Variants in RANBP2 observed in about 807,000 individuals in gnomAD.
RANBP2 encodes the protein RAN binding protein 2.
In RANBP2, 57 loss-of-function variants were observed where a neutral mutation model predicts 303.6. The ratio of observed to expected loss-of-function variants is 0.19; its 90% CI spans 0.15 to 0.23. The LOEUF is 0.23. Among genes scored for constraint, RANBP2 ranks in the 10% least tolerant of loss-of-function variants. The probability of loss-of-function intolerance (pLI) is 1.00; values close to 1 mark genes in which losing one functional copy is unlikely to be tolerated. For synonymous variants in RANBP2, 1,167 were observed against 1,301.5 expected, an observed-to-expected ratio of 0.90 and a Z score of 2.23; for missense variants, 3,138 against 3,780.8, an observed-to-expected ratio of 0.83 and a Z score of 4.46.
At chr2:109,288,815 C>CTTTTTTTTTTTTTTTT in the RANBP2 span, among the ~76,000 whole-genome samples, 3 of 152,136 alleles carry the variant, frequency 2.0e-5, no homozygotes, top group African/African-American at 7.2e-5. Flanking sequence ...AAATCACTTT[C>CTTTTTTTTTTTTTTTT]TTATTTAGTA....
the RANBP2 span, among the ~76,000 whole-genome samples, chr2:109,491,733 A>G: frequency 0.86 from 130,926 of 152,152 alleles, 56,508 homozygotes; most frequent in South Asian, 0.96. Context: ...AGGATGGTAG[A>G]AAGATATGAT....
the RANBP2 span, chr2:109,585,294 A>C: frequency 6.2e-7 from 1 of 1,605,282 alleles, no homozygotes. Context: ...TGTGTCAATC[A>C]GTGTTGATTT....
chr2:109,150,938 A>G, the RANBP2 span, among the ~76,000 whole-genome samples: 4 of 152,234 alleles, frequency 2.6e-5, no homozygotes, highest in Non-Finnish European at 4.4e-5. Context: ...TAAAGAAGCT[A>G]GTTATTTCAA....
chr2:108,854,555 T>C, the RANBP2 span, among the ~76,000 whole-genome samples: 1 of 152,214 alleles, frequency 6.6e-6, no homozygotes, highest in South Asian at 2.1e-4. Flanking sequence ...GAGATCAGAA[T>C]TGAGGTCTGT....
At chr2:109,501,388 A>G in the RANBP2 span, 1 of 560,034 alleles carries the variant, frequency 1.8e-6, no homozygotes. Context: ...GAAATTGTAT[A>G]AAGTGGGAAA....
At chr2:109,295,796 C>T in the RANBP2 span, among the ~76,000 whole-genome samples, 7 of 152,200 alleles carry the variant, frequency 4.6e-5, no homozygotes, top group African/African-American at 1.4e-4. Flanking sequence ...GGACTCTGGC[C>T]GGCTTTACGG....
At chr2:108,912,873 G>A in the RANBP2 span, 1 of 890,710 alleles carries the variant, frequency 1.1e-6, no homozygotes, top group Admixed American at 2.0e-5. Context: ...GCCTGAGGCA[G>A]TGATGGCTGA....
At chr2:108,850,602 C>A in the RANBP2 span, among the ~76,000 whole-genome samples, 1 of 152,108 alleles carries the variant, frequency 6.6e-6, no homozygotes, top group Non-Finnish European at 1.5e-5. Context: ...CAGGCACGCA[C>A]CACCACACCC....
chr2:109,132,963 T>A, the RANBP2 span, among the ~76,000 whole-genome samples: 9 of 152,218 alleles, frequency 5.9e-5, no homozygotes, highest in African/African-American at 2.2e-4. Flanking sequence ...GTTTTGAAAA[T>A]TTTTTAAATC....
At chr2:109,707,847 T>C in the RANBP2 span, among the ~76,000 whole-genome samples, 32 of 152,156 alleles carry the variant, frequency 2.1e-4, no homozygotes, top group African/African-American at 7.7e-4. Flanking sequence ...TAGATGTAAA[T>C]AAAAAAATGC....
the RANBP2 span, among the ~76,000 whole-genome samples, chr2:109,564,864 CA>C: frequency 6.6e-6 from 1 of 152,190 alleles, no homozygotes. Context: ...TAGCAGTTTA[CA>C]AACTATCCTG....
the RANBP2 span, among the ~76,000 whole-genome samples, chr2:109,558,818 T>G: frequency 1.3e-5 from 2 of 152,184 alleles, no homozygotes; most frequent in Middle Eastern, 3.2e-3. Context: ...GAGGGACAGA[T>G]TTTACATGCC....
the RANBP2 span, among the ~76,000 whole-genome samples, chr2:109,299,453 C>A: frequency 6.6e-6 from 1 of 151,822 alleles, no homozygotes; most frequent in Non-Finnish European, 1.5e-5. Context: ...GATCTTAAGT[C>A]TGCCAGCCAC....
the RANBP2 span, among the ~76,000 whole-genome samples, chr2:109,519,763 G>T: frequency 6.6e-6 from 1 of 152,254 alleles, no homozygotes. Context: ...TCAAGGGCAT[G>T]TGAGGGCGTT....
the RANBP2 span, among the ~76,000 whole-genome samples, chr2:109,439,801 A>G: frequency 6.6e-6 from 1 of 152,088 alleles, no homozygotes; most frequent in Non-Finnish European, 1.5e-5. Flanking sequence ...GAGGAAAACC[A>G]GACAAGCCCC....
the RANBP2 span, among the ~76,000 whole-genome samples, chr2:108,994,312 A>G: frequency 6.6e-6 from 1 of 152,192 alleles, no homozygotes; most frequent in Non-Finnish European, 1.5e-5. Flanking sequence ...CCGTGGCCTA[A>G]GCTCTCTCTG....
At chr2:109,127,207 A>G in the RANBP2 span, 2 of 152,250 alleles carry the variant, frequency 1.3e-5, no homozygotes, top group Non-Finnish European at 2.9e-5. Flanking sequence ...TCCAGGGACT[A>G]GCATCCTGAT....
At chr2:109,270,908 A>G in the RANBP2 span, among the ~76,000 whole-genome samples, 2 of 152,230 alleles carry the variant, frequency 1.3e-5, no homozygotes, top group African/African-American at 2.4e-5. Context: ...CTCACACAGC[A>G]TCAGGAGGGA....
chr2:108,774,841 G>T (rs925011186), intron 23 of RANBP2, among the ~76,000 whole-genome samples: 2 of 151,752 alleles, frequency 1.3e-5, no homozygotes, highest in Admixed American at 1.3e-4. Flanking sequence ...GAGTATCTGC[G>T]ATTATAGGCG....
Sources: gnomAD v4.1 joint callset for allele counts (sites outside exome capture counted in the v4.1 genomes callset) on GRCh38, gnomAD v4.1.1 for gene constraint, MANE v1.5 for transcripts, NCBI Gene and HGNC (gene_info 2026-07-23, HGNC 2026-07-21) for gene names.